HDAC9: variants seen among roughly 807,000 people sequenced by gnomAD.
HDAC9 encodes the protein MEF-2 interacting transcription repressor (MITR) protein.
In HDAC9, 41 loss-of-function variants were observed where a neutral mutation model predicts 139.4. The ratio of observed to expected loss-of-function variants is 0.29; its 90% confidence interval spans 0.23 to 0.38. The LOEUF is 0.38. Among genes scored for constraint, HDAC9 ranks in the 10% least tolerant of loss-of-function variants. HDAC9 has a pLI of 1.00. For synonymous variants in HDAC9, 517 were observed against 476.2 expected, an observed-to-expected ratio of 1.09 and a Z score of -1.12; for missense variants, 1,147 against 1,297.0, an observed-to-expected ratio of 0.88 and a Z score of 1.78.
intron 17 of HDAC9, among the ~76,000 whole-genome samples, chr7:18,804,097 G>A (rs979497508): frequency 3.9e-5 from 6 of 152,186 alleles, no homozygotes; most frequent in Admixed American, 1.3e-4. Context: ...GAGAGCTAGA[G>A]GAAGGCTGAG....
At chr7:18,821,517 A>ATGGTGG (rs2129199271) in intron 17 of HDAC9, among the ~76,000 whole-genome samples, 2 of 152,136 alleles carry the variant, frequency 1.3e-5, no homozygotes, top group East Asian at 3.9e-4. Flanking sequence ...AAGCAAGATG[A>ATGGTGG]ATGGTGATAC....
At chr7:18,393,720 T>C (rs561449779) in intron 1 of HDAC9, among the ~76,000 whole-genome samples, 1 of 152,146 alleles carries the variant, frequency 6.6e-6, no homozygotes, top group Non-Finnish European at 1.5e-5. Context: ...ATACCCTAGA[T>C]GCTGAAAGCT....
chr7:18,278,426 A>C (rs914289385), intron 2 of HDAC9, among the ~76,000 whole-genome samples: 1 of 152,216 alleles, frequency 6.6e-6, no homozygotes, highest in African/African-American at 2.4e-5. Flanking sequence ...GAAGAGTTTA[A>C]ATAGTATAAA....
chr7:18,706,830 C>G (rs917690860), intron 12 of HDAC9, among the ~76,000 whole-genome samples: 1 of 152,156 alleles, frequency 6.6e-6, no homozygotes, highest in Non-Finnish European at 1.5e-5. Flanking sequence ...GAGGATAAAT[C>G]AACCGATGAC....
In HDAC9 at chr7:18,291,958, G is replaced by A. The variant is rs557550085; in HGVS notation, c.-42+1443G>A. 4.6e-5 allele frequency among the ~76,000 whole-genome samples: 7 copies of A among 152,238 alleles called. No homozygotes were observed. In the East Asian group the frequency reaches 1.4e-3, roughly 29 times the overall value. ...GCAACACTGTTGGGCCTTAGAGGCTGCCTCATATCTGAGCTCTTATGCATC... is the reference window on the plus strand; with the variant it reads ...GCAACACTGTTGGGCCTTAGAGGCTACCTCATATCTGAGCTCTTATGCATC... On this transcript the variant is annotated intron_variant, in intron 1 of 3. Transcript: ENST00000413509.
At chr7:18,157,466 A>T (rs1209852443) in intron 1 of HDAC9, among the ~76,000 whole-genome samples, 2 of 152,206 alleles carry the variant, frequency 1.3e-5, no homozygotes, top group African/African-American at 4.8e-5. Flanking sequence ...TCATTTATTT[A>T]TACATTCCCT....
intron 12 of HDAC9, among the ~76,000 whole-genome samples, chr7:18,685,367 T>G (rs553924099): frequency 3.9e-5 from 6 of 151,966 alleles, no homozygotes; most frequent in Non-Finnish European, 8.8e-5. Context: ...GCCAGTTTTT[T>G]TTTTGTTCTT....
At chr7:18,095,271 T>A (rs990925294) in intron 1 of HDAC9, among the ~76,000 whole-genome samples, 1 of 152,142 alleles carries the variant, frequency 6.6e-6, no homozygotes, top group Non-Finnish European at 1.5e-5. Flanking sequence ...CTACTGTAGT[T>A]TAGGGTTATG....
chr7:18,283,489 A>G (rs914813300), intron 2 of HDAC9, among the ~76,000 whole-genome samples: 2 of 152,216 alleles, frequency 1.3e-5, no homozygotes, highest in African/African-American at 4.8e-5. Context: ...TTTTAAATGT[A>G]GTGGAATACC....
intron 22 of HDAC9, among the ~76,000 whole-genome samples, chr7:18,917,185 A>C (rs1803283608): frequency 6.6e-6 from 1 of 151,968 alleles, no homozygotes; most frequent in Admixed American, 6.6e-5. Flanking sequence ...GAGCAAGGAG[A>C]AGGTCCAAGC....
chr7:18,280,576 A>C (rs1797037156), intron 2 of HDAC9, among the ~76,000 whole-genome samples: 1 of 139,486 alleles, frequency 7.2e-6, no homozygotes. Flanking sequence ...TGACAGAGCG[A>C]GACTCTGTCT....
intron 2 of HDAC9, among the ~76,000 whole-genome samples, chr7:18,275,117 C>G (rs923294059): frequency 6.6e-6 from 1 of 152,192 alleles, no homozygotes; most frequent in African/African-American, 2.4e-5. Context: ...GCTCTACACA[C>G]AGTGTTTCCC....
intron 2 of HDAC9, among the ~76,000 whole-genome samples, chr7:18,170,926 C>T (rs1385273763): frequency 2.6e-5 from 4 of 152,064 alleles, no homozygotes; most frequent in South Asian, 2.1e-4. Context: ...CTTGGCAATG[C>T]GGGCTCTTTT....
At chr7:18,438,585 G>T (rs1001280613) in intron 1 of HDAC9, among the ~76,000 whole-genome samples, 3 of 151,320 alleles carry the variant, frequency 2.0e-5, no homozygotes, top group African/African-American at 4.8e-5. Context: ...CATATGTCTA[G>T]ACATGGAAAG....
At chr7:18,903,509 G>A (rs1292599164) in intron 22 of HDAC9, among the ~76,000 whole-genome samples, 2 of 152,056 alleles carry the variant, frequency 1.3e-5, no homozygotes, top group Admixed American at 6.5e-5. Flanking sequence ...CACATTCTGA[G>A]GCCATCCCTA....
intron 22 of HDAC9, among the ~76,000 whole-genome samples, chr7:18,896,570 C>T (rs1024670011): frequency 4.6e-5 from 7 of 152,066 alleles, no homozygotes; most frequent in Admixed American, 2.0e-4. Flanking sequence ...GTTAAAACTG[C>T]CCAGACCCCA....
intron 2 of HDAC9, among the ~76,000 whole-genome samples, chr7:18,536,453 C>T (rs1810948480): frequency 6.6e-6 from 1 of 152,090 alleles, no homozygotes; most frequent in Non-Finnish European, 1.5e-5. Flanking sequence ...TTACGTATTC[C>T]TCAACAGGAC....
intron 22 of HDAC9, among the ~76,000 whole-genome samples, chr7:18,889,753 A>G (rs576912066): frequency 6.6e-6 from 1 of 152,306 alleles, no homozygotes; most frequent in African/African-American, 2.4e-5. Flanking sequence ...GCTGAAGTGC[A>G]GTGGTGCAAT....
At chr7:18,880,911 T>G (rs1200959673) in intron 22 of HDAC9, among the ~76,000 whole-genome samples, 1 of 151,726 alleles carries the variant, frequency 6.6e-6, no homozygotes, top group Non-Finnish European at 1.5e-5. Context: ...AACAGAAAAT[T>G]GTATTTCTTT....
Sources: gnomAD v4.1 joint callset for allele counts (sites outside exome capture counted in the v4.1 genomes callset) on GRCh38, gnomAD v4.1.1 for gene constraint, MANE v1.5 for transcripts, NCBI Gene and HGNC (gene_info 2026-07-23, HGNC 2026-07-21) for gene names.